The following GSE1 variants were observed in gnomAD, a reference collection of about 807,000 sequenced individuals.
The protein encoded by GSE1 is genetic suppressor element 1.
Under a neutral mutation model 112.6 loss-of-function variants are expected in GSE1, and 32 were observed. That is an observed-to-expected ratio of 0.28 (90% confidence interval 0.21 to 0.38). The LOEUF is 0.38. Ranked by LOEUF, GSE1 falls within the 10% of genes least tolerant of loss-of-function variation. The pLI is 1.00. For synonymous variants in GSE1, 1,115 were observed against 735.6 expected, an observed-to-expected ratio of 1.52 and a Z score of -8.35; for missense variants, 2,348 against 1,699.2, an observed-to-expected ratio of 1.38 and a Z score of -6.71.
intron 1 of GSE1, among the ~76,000 whole-genome samples, chr16:85,355,701 G>A (rs554778041): frequency 6.6e-6 from 1 of 152,216 alleles, no homozygotes; most frequent in East Asian, 1.9e-4. Context: ...TTTTGTGTTC[G>A]GTATATTTTA....
chr16:85,236,854 C>T (rs903398483), intron 1 of GSE1, among the ~76,000 whole-genome samples: 1 of 152,112 alleles, frequency 6.6e-6, no homozygotes, highest in African/African-American at 2.4e-5. Context: ...GGGACCTCTG[C>T]CTGGCTCCCC....
intron 1 of GSE1, among the ~76,000 whole-genome samples, chr16:85,247,964 G>A (rs765903738): frequency 2.6e-5 from 4 of 152,222 alleles, no homozygotes; most frequent in Non-Finnish European, 5.9e-5. Flanking sequence ...GGAATTCCTC[G>A]GGGACAAATT....
Position 85,613,348 on chromosome 16 carries a change from G to T in GSE1, c.-44G>T. The T allele has an allele frequency of 6.4e-7, 1 of 1,565,676 alleles. No individual in the cohort carries two copies. Among genetic ancestry groups the T allele is most frequent in the South Asian group, 1.2e-5 (1 of 85,208 alleles). ...GTTTAGACAAACACTGGGCGACGGT[G>T]GCTCCAGCATGTATCAGCCGAGGTG... On this transcript the variant is annotated 5_prime_UTR_variant, in exon 1 of 16. Transcript: ENST00000253458.
At chr16:85,602,593 T>C (rs574836826) in intron 1 of GSE1, among the ~76,000 whole-genome samples, 2 of 152,028 alleles carry the variant, frequency 1.3e-5, no homozygotes, top group African/African-American at 4.8e-5. Context: ...GGGTGCTCTC[T>C]GGGCATGTAG....
chr16:85,455,300 C>G (rs1035747564), intron 2 of GSE1, among the ~76,000 whole-genome samples: 4 of 152,060 alleles, frequency 2.6e-5, no homozygotes, highest in African/African-American at 9.7e-5. Context: ...GGGAGGATCG[C>G]TTGAGTTTGA....
chr16:85,630,376 G>A (rs2049440880), intron 1 of GSE1, among the ~76,000 whole-genome samples: 1 of 152,210 alleles, frequency 6.6e-6, no homozygotes, highest in Admixed American at 6.5e-5. Flanking sequence ...GAGAGACAGG[G>A]TTCTGTTACC....
chr16:85,457,635 T>A (rs911654825), intron 2 of GSE1, among the ~76,000 whole-genome samples: 1 of 151,848 alleles, frequency 6.6e-6, no homozygotes, highest in Non-Finnish European at 1.5e-5. Context: ...CCCTGCCTCG[T>A]TGGGTGAAGC....
chr16:85,634,266 A>T, intron 2 of GSE1, 134 bp downstream of exon 2: 2 of 635,846 alleles, frequency 3.1e-6, no homozygotes, highest in Non-Finnish European at 5.0e-6. Context: ...TGGAGCAGGC[A>T]GTGCTGGCTG....
chr16:85,663,170 C>T (rs190908112), intron 10 of GSE1, 77 bp downstream of exon 10: 9 of 1,247,354 alleles, frequency 7.2e-6, no homozygotes, highest in Non-Finnish European at 9.3e-6. Flanking sequence ...CAGTCCACCC[C>T]ACTGTTGCTA....
In GSE1 at chr16:85,224,461, C is replaced by T. The variant is rs535633385; in HGVS notation, c.2283+52654C>T. On this transcript the variant is annotated intron_variant, in intron 1 of 2. Transcript: ENST00000637419. ...CAAATTAGTGTGGTTGGTTCCAGTT[C>T]GGGTTTATAGCTTAGTTCAGTTGGA... Among the ~76,000 whole-genome samples, 31 of 152,096 alleles carry T rather than the reference C, an allele frequency of 2.0e-4. 1 individual carries two copies. Among genetic ancestry groups the T allele is most frequent in the Middle Eastern group, 6.8e-3 (2 of 294 alleles).
intron 2 of GSE1, among the ~76,000 whole-genome samples, chr16:85,638,429 T>G (rs1488465985): frequency 6.6e-6 from 1 of 152,208 alleles, no homozygotes; most frequent in African/African-American, 2.4e-5. Context: ...CTGGGGCGCT[T>G]TGGGCAAGGG....
chr16:85,555,830 CT>C (rs2045181235), upstream of GSE1: 3 of 859,972 alleles, frequency 3.5e-6, no homozygotes, highest in Non-Finnish European at 4.2e-6. Flanking sequence ...CCCCCTCTCT[CT>C]TTTCCTTTCA....
At position 85,319,429 on chromosome 16, in the gene GSE1, G is replaced by A. The variant is rs941635928; in HGVS notation, c.2284-38034G>A. Reference sequence around the variant, plus strand: ...AGCTCCTGGGCCTCAGCCTGTGTCCGCCCTGGCAGCAGAGCCTCCTCGTCC... The same window carrying A: ...AGCTCCTGGGCCTCAGCCTGTGTCCACCCTGGCAGCAGAGCCTCCTCGTCC... On this transcript the variant is annotated intron_variant, in intron 1 of 2. Coordinates refer to the GSE1 transcript ENST00000637419. Among the ~76,000 whole-genome samples, 12 of 152,152 alleles carry A rather than the reference G, an allele frequency of 7.9e-5. No homozygotes were observed. The East Asian group carries it at 1.9e-3, about 24-fold the overall frequency.
At chr16:85,182,887 C>T (rs368874940) in intron 1 of GSE1, among the ~76,000 whole-genome samples, 34 of 152,242 alleles carry the variant, frequency 2.2e-4, no homozygotes, top group African/African-American at 7.0e-4. Flanking sequence ...CCAGCACACC[C>T]GCCTCCCTCT....
chr16:85,256,181 C>T (rs143596116), intron 1 of GSE1, among the ~76,000 whole-genome samples: 65 of 152,092 alleles, frequency 4.3e-4, no homozygotes, highest in Middle Eastern at 3.4e-3. Context: ...AGGCTCTTCC[C>T]TCGGCAGGCA....
At chr16:85,374,026 C>G (rs1246467575) in intron 2 of GSE1, among the ~76,000 whole-genome samples, 1 of 152,224 alleles carries the variant, frequency 6.6e-6, no homozygotes, top group African/African-American at 2.4e-5. Context: ...TCACATGAAT[C>G]TGTGTACCTG....
At chr16:85,533,759 G>A (rs539706598) in intron 2 of GSE1, among the ~76,000 whole-genome samples, 1 of 152,172 alleles carries the variant, frequency 6.6e-6, no homozygotes, top group South Asian at 2.1e-4. Flanking sequence ...CAGCTACTTG[G>A]GAGGCTGAGG....
intron 1 of GSE1, among the ~76,000 whole-genome samples, chr16:85,337,079 A>C (rs1343778096): frequency 6.6e-6 from 1 of 152,164 alleles, no homozygotes; most frequent in Non-Finnish European, 1.5e-5. Context: ...GTCTGCCCCC[A>C]GCATCGAGGG....
chr16:85,667,968 G>GC (rs764429340), intron 13 of GSE1, among the ~76,000 whole-genome samples, 172 bp from the exon 14 acceptor site: 2 of 152,044 alleles, frequency 1.3e-5, no homozygotes, highest in African/African-American at 2.4e-5. Flanking sequence ...ACTTTCTCAA[G>GC]TGGCCCAGAG....
Sources: gnomAD v4.1 joint callset for allele counts (sites outside exome capture counted in the v4.1 genomes callset) on GRCh38, gnomAD v4.1.1 for gene constraint, MANE v1.5 for transcripts, NCBI Gene and HGNC (gene_info 2026-07-23, HGNC 2026-07-21) for gene names.